The following TTC3 variants were observed in gnomAD, a reference collection of about 807,000 sequenced individuals.
TTC3 encodes the protein E3 ubiquitin-protein ligase TTC3.
A neutral mutation model predicts 249.6 loss-of-function variants in TTC3; 180 were observed. The ratio of observed to expected loss-of-function variants is 0.72; its 90% confidence interval spans 0.64 to 0.82. The LOEUF (loss-of-function observed/expected upper bound fraction) is 0.82, where lower values mean the gene tolerates loss of function less well. Ranked by LOEUF, TTC3 falls within the 40% of genes least tolerant of loss-of-function variation. The probability of loss-of-function intolerance (pLI) is 0.00; values close to 1 mark genes in which losing one functional copy is unlikely to be tolerated. For missense variants in TTC3, 2,061 were observed against 2,398.4 expected, an observed-to-expected ratio of 0.86 and a Z score of 2.94; for synonymous variants, 717 against 805.0, an observed-to-expected ratio of 0.89 and a Z score of 1.85.
At chr21:37,143,881 G>A (rs1334933194) in intron 20 of TTC3, among the ~76,000 whole-genome samples, 1 of 115,590 alleles carries the variant, frequency 8.7e-6, no homozygotes, top group Non-Finnish European at 1.8e-5. Context: ...AAGAAAATGT[G>A]GCACATATAC....
At chr21:37,172,870 A>G (rs1453476754) in intron 35 of TTC3, 126 bp downstream of exon 35, 2 of 1,172,170 alleles carry the variant, frequency 1.7e-6, no homozygotes, top group Non-Finnish European at 2.3e-6. Context: ...TCTTTCTCAG[A>G]ATCGCCTGCT....
chr21:37,168,063 A>T (rs2081404140), intron 34 of TTC3, among the ~76,000 whole-genome samples: 1 of 152,112 alleles, frequency 6.6e-6, no homozygotes, highest in South Asian at 2.1e-4. Flanking sequence ...ACCTACTAAT[A>T]TAATTTAGTT....
intron 11 of TTC3, among the ~76,000 whole-genome samples, chr21:37,114,948 C>G (rs1375304352): frequency 6.6e-6 from 1 of 151,866 alleles, no homozygotes; most frequent in Non-Finnish European, 1.5e-5. Flanking sequence ...AACCAAACAC[C>G]GCATGTTCTC....
rs554914973 is a variant in TTC3, at chr21:37,129,588, C to G, written c.1358+525C>G. Among the ~76,000 whole-genome samples the G allele has an allele frequency of 3.9e-5, 6 of 152,262 alleles. No individual in the cohort carries two copies. In the South Asian group the frequency reaches 1.2e-3, roughly 32 times the overall value. On this transcript the variant is annotated intron_variant, in intron 16 of 45. Transcript: ENST00000355666. ...TGACTACTTCTAAAATGAATTCTAT[C>G]AAACATCCCCATGAAAATTAACAGT...
At chr21:37,142,571 A>G (rs2078582390) in intron 20 of TTC3, among the ~76,000 whole-genome samples, 1 of 152,224 alleles carries the variant, frequency 6.6e-6, no homozygotes, top group Non-Finnish European at 1.5e-5. Flanking sequence ...GGAGAACTAC[A>G]AACCACTGCT....
At chr21:37,099,471 A>G (rs989476314) in intron 10 of TTC3, among the ~76,000 whole-genome samples, 16 of 152,208 alleles carry the variant, frequency 1.1e-4, no homozygotes, top group Non-Finnish European at 2.4e-4. Context: ...ATTAATCACT[A>G]TGGGAAGGTG....
intron 10 of TTC3, among the ~76,000 whole-genome samples, chr21:37,106,909 G>A (rs1473196162): frequency 6.6e-6 from 1 of 151,940 alleles, no homozygotes; most frequent in Admixed American, 6.6e-5. Context: ...AAAGAAAAAA[G>A]ATCCATATGG....
chr21:37,094,413 G>T (rs984100061), intron 8 of TTC3, among the ~76,000 whole-genome samples: 2 of 152,106 alleles, frequency 1.3e-5, no homozygotes, highest in Non-Finnish European at 2.9e-5. Context: ...AAAGGAATTT[G>T]GGAAAATATT....
intron 11 of TTC3, 104 bp downstream of exon 11, chr21:37,108,550 C>A: frequency 9.1e-7 from 1 of 1,097,404 alleles, no homozygotes; most frequent in Non-Finnish European, 1.3e-6. Flanking sequence ...TATGAAATTA[C>A]GTAGAGCTCC....
chr21:37,108,699 G>T (rs1033546927), intron 11 of TTC3, among the ~76,000 whole-genome samples: 1 of 152,126 alleles, frequency 6.6e-6, no homozygotes, highest in Non-Finnish European at 1.5e-5. Flanking sequence ...GGTCATCTCT[G>T]CGTATTCTGG....
chr21:37,086,522 C>T (rs2072498662), intron 1 of TTC3: 1 of 152,124 alleles, frequency 6.6e-6, no homozygotes, highest in South Asian at 2.1e-4. Flanking sequence ...TAAAACATGG[C>T]TTTTGATAAT....
At chr21:37,118,272 A>G (rs144537673) in intron 11 of TTC3, among the ~76,000 whole-genome samples, 2 of 152,262 alleles carry the variant, frequency 1.3e-5, no homozygotes, top group East Asian at 3.9e-4. Flanking sequence ...TCTAAGATGT[A>G]AGTGTGTTAG....
At chr21:37,158,310 C>T (rs2080319550) in intron 28 of TTC3, 4 of 644,132 alleles carry the variant, frequency 6.2e-6, no homozygotes, top group Admixed American at 6.3e-5. Flanking sequence ...ATACACTCGT[C>T]CTTTAACTTG....
intron 32 of TTC3, among the ~76,000 whole-genome samples, chr21:37,164,629 C>T (rs926359047): frequency 3.3e-5 from 5 of 152,138 alleles, no homozygotes; most frequent in Admixed American, 6.5e-5. Context: ...TGAGCCACCT[C>T]GCCCCGCCCT....
At chr21:37,129,158 A>T (rs899125070) in intron 16 of TTC3, 95 bp downstream of exon 16, 4 of 722,782 alleles carry the variant, frequency 5.5e-6, no homozygotes, top group Non-Finnish European at 8.7e-6. Flanking sequence ...AGCTACTTTA[A>T]TGTATGTATT....
At chr21:37,092,260 G>A (rs774208546) in intron 7 of TTC3, among the ~76,000 whole-genome samples, 11 of 152,216 alleles carry the variant, frequency 7.2e-5, no homozygotes, top group Non-Finnish European at 1.5e-4. Context: ...TCTCTGCTGA[G>A]ATAAAGGCAA....
chr21:37,196,237 C>CTTT (rs35693053), intron 42 of TTC3, among the ~76,000 whole-genome samples: 4,659 of 120,222 alleles, frequency 0.039, 234 homozygotes, highest in East Asian at 0.23. Context: ...TTTTTTCTTT[C>CTTT]TTTTTTTTTT....
chr21:37,174,025 G>C (rs769991294), intron 35 of TTC3, among the ~76,000 whole-genome samples: 3 of 152,246 alleles, frequency 2.0e-5, no homozygotes, highest in Non-Finnish European at 4.4e-5. Flanking sequence ...GCCTGTTTGA[G>C]TGATGAGGCA....
intron 10 of TTC3, among the ~76,000 whole-genome samples, chr21:37,106,102 A>G (rs77703870): frequency 0.037 from 5,702 of 152,212 alleles, 322 homozygotes; most frequent in African/African-American, 0.13. Context: ...TATTTTAGAC[A>G]TTCTGGTGGG....
Sources: gnomAD v4.1 joint callset for allele counts (sites outside exome capture counted in the v4.1 genomes callset) on GRCh38, gnomAD v4.1.1 for gene constraint, MANE v1.5 for transcripts, NCBI Gene and HGNC (gene_info 2026-07-23, HGNC 2026-07-21) for gene names.